PCCA: variants seen among roughly 807,000 people sequenced by gnomAD.
The protein encoded by PCCA is propionyl-CoA carboxylase alpha chain, mitochondrial.
A neutral mutation model predicts 101.3 loss-of-function variants in PCCA; 74 were observed. The observed-to-expected ratio is 0.73, with a 90% CI of 0.61 to 0.89. The LOEUF is 0.89. Among genes scored for constraint, PCCA ranks in the 40% least tolerant of loss-of-function variants. The pLI is 0.00. For synonymous variants in PCCA, 294 were observed against 313.6 expected (o/e 0.94, Z 0.66); for missense variants, 891 against 907.0 (o/e 0.98, Z 0.23).
intron 18 of PCCA, among the ~76,000 whole-genome samples, chr13:100,341,711 C>T (rs1309292695): frequency 6.6e-6 from 1 of 151,914 alleles, no homozygotes; most frequent in Non-Finnish European, 1.5e-5. Flanking sequence ...TTGATAAATG[C>T]AGTATTCAGA....
intron 10 of PCCA, among the ~76,000 whole-genome samples, chr13:100,264,127 A>G: frequency 9.7e-6 from 1 of 102,798 alleles, no homozygotes; most frequent in Non-Finnish European, 2.2e-5. Flanking sequence ...TGTATATCGT[A>G]TATATATGGT....
At chr13:100,134,223 T>C (rs1000349440) in intron 4 of PCCA, among the ~76,000 whole-genome samples, 2 of 152,044 alleles carry the variant, frequency 1.3e-5, no homozygotes, top group African/African-American at 4.8e-5. Context: ...TCAAATGGGG[T>C]GATATTTGGA....
intron 12 of PCCA, among the ~76,000 whole-genome samples, chr13:100,284,231 T>G (rs904089167): frequency 2.0e-5 from 3 of 152,240 alleles, no homozygotes; most frequent in African/African-American, 7.2e-5. Context: ...CATGCCTTTC[T>G]TGTTGTGCCT....
At chr13:100,418,239 C>T (rs114528197) in intron 19 of PCCA, among the ~76,000 whole-genome samples, 2,074 of 152,282 alleles carry the variant, frequency 0.014, 62 homozygotes, top group African/African-American at 0.046. Context: ...CCTATGCCTG[C>T]GCATGAGCAC....
intron 21 of PCCA, among the ~76,000 whole-genome samples, chr13:100,472,826 C>G (rs1566400907): frequency 6.6e-6 from 1 of 151,222 alleles, no homozygotes; most frequent in Non-Finnish European, 1.5e-5. Flanking sequence ...GAGGCAGTGT[C>G]TTTCTGGGTC....
chr13:100,161,293 T>G (rs2054443054), intron 6 of PCCA: 1 of 152,202 alleles, frequency 6.6e-6, no homozygotes, highest in Non-Finnish European at 1.5e-5. Context: ...AATTTGCTAG[T>G]ATTTATCAAA....
intron 1 of PCCA, among the ~76,000 whole-genome samples, chr13:100,096,780 C>T (rs114509530): frequency 0.01 from 1,554 of 152,356 alleles, 24 homozygotes; most frequent in African/African-American, 0.036. Context: ...ACAACATTTC[C>T]TTAAGCCATA....
chr13:100,291,927 G>C (rs529288225), intron 12 of PCCA, among the ~76,000 whole-genome samples: 1 of 152,128 alleles, frequency 6.6e-6, no homozygotes, highest in African/African-American at 2.4e-5. Flanking sequence ...TCCAGTTTTC[G>C]TTCAGCCACA....
chr13:100,198,648 AC>A (rs527692483), intron 6 of PCCA, among the ~76,000 whole-genome samples: 243 of 152,136 alleles, frequency 1.6e-3, no homozygotes, highest in African/African-American at 5.6e-3. Flanking sequence ...ACAGGTGCAC[AC>A]CACCATGCCT....
At position 100,102,983 on chromosome 13, in the gene PCCA, C is replaced by G. The variant is rs749181827; in HGVS notation, c.183+23C>G. The G allele has an allele frequency of 2.8e-6, 4 of 1,424,690 alleles. No individual in the cohort carries two copies. In the African/African-American group the frequency reaches 4.2e-5, roughly 15 times the overall value. 88.3% of individuals were successfully genotyped at this position (1,424,690 alleles called of 1,614,324 possible). ...AAAGTAAGTATTTAAAAGATATTCT[C>G]AACAACTAAATTAAACTTATCATGG... On this transcript the variant is annotated intron_variant, in intron 2 of 23. Transcript: ENST00000376285.
At chr13:100,153,816 A>C (rs1398001110) in intron 4 of PCCA, among the ~76,000 whole-genome samples, 1 of 152,182 alleles carries the variant, frequency 6.6e-6, no homozygotes, top group Non-Finnish European at 1.5e-5. Context: ...TTATAGTAAG[A>C]TATTGACCTG....
chr13:100,358,922 C>T (rs1217888424), intron 18 of PCCA, among the ~76,000 whole-genome samples: 1 of 151,890 alleles, frequency 6.6e-6, no homozygotes, highest in Non-Finnish European at 1.5e-5. Context: ...ATGGTGAAAC[C>T]CTGTCTCTAC....
chr13:100,372,641 TCC>T (rs766115378), intron 19 of PCCA, among the ~76,000 whole-genome samples: 1 of 152,102 alleles, frequency 6.6e-6, no homozygotes, highest in Non-Finnish European at 1.5e-5. Context: ...TCTGTTTTTT[TCC>T]CAAAGTAACC....
intron 19 of PCCA, among the ~76,000 whole-genome samples, chr13:100,374,675 A>G (rs951264595): frequency 3.3e-5 from 5 of 152,144 alleles, no homozygotes; most frequent in Non-Finnish European, 7.4e-5. Context: ...ATTAGTTAGA[A>G]ATTTGGCCTT....
chr13:100,312,996 C>A (rs1399805057), intron 16 of PCCA, among the ~76,000 whole-genome samples: 1 of 152,172 alleles, frequency 6.6e-6, no homozygotes, highest in Non-Finnish European at 1.5e-5. Context: ...ATTTTCAAAT[C>A]TATAGAAAAG....
At chr13:100,384,094 T>A (rs1014609328) in intron 19 of PCCA, among the ~76,000 whole-genome samples, 4 of 151,938 alleles carry the variant, frequency 2.6e-5, no homozygotes, top group Non-Finnish European at 5.9e-5. Context: ...GGCACAATCT[T>A]GGCTCACTGC....
intron 21 of PCCA, among the ~76,000 whole-genome samples, chr13:100,485,145 G>A (rs989275986): frequency 7.9e-5 from 12 of 152,332 alleles, no homozygotes; most frequent in African/African-American, 2.9e-4. Context: ...AGAGGAGGAA[G>A]GGAGTGAATG....
intron 21 of PCCA, among the ~76,000 whole-genome samples, chr13:100,484,567 C>G (rs1286371596): frequency 6.6e-6 from 1 of 152,122 alleles, no homozygotes; most frequent in East Asian, 1.9e-4. Context: ...ACAGAAAGAG[C>G]ATTAGAGATG....
intron 19 of PCCA, among the ~76,000 whole-genome samples, chr13:100,407,845 A>G (rs535958952): frequency 1.7e-4 from 26 of 152,246 alleles, no homozygotes; most frequent in African/African-American, 6.3e-4. Context: ...ACTCCTAGCA[A>G]TTTTTAACTT....
Sources: allele counts gnomAD v4.1 joint callset (sites outside exome capture counted in the v4.1 genomes callset), GRCh38; gene constraint gnomAD v4.1.1; transcripts MANE v1.5; gene names NCBI Gene and HGNC (gene_info 2026-07-23, HGNC 2026-07-21).